SPON1: variants seen among roughly 807,000 people sequenced by gnomAD.
SPON1 encodes the protein spondin-1.
In SPON1, 52 loss-of-function variants were observed where a neutral mutation model predicts 111.7. That is an observed-to-expected ratio of 0.47 (90% CI 0.37 to 0.59). The LOEUF is 0.59. SPON1 is among the 20% of genes least tolerant of loss of function. SPON1 has a pLI of 0.00. For missense variants in SPON1, 957 were observed against 1,068.5 expected, an observed-to-expected ratio of 0.90 and a Z score of 1.46; for synonymous variants, 410 against 395.8, an observed-to-expected ratio of 1.04 and a Z score of -0.43.
intron 5 of SPON1, among the ~76,000 whole-genome samples, chr11:14,129,191 A>G (rs1564911347): frequency 6.6e-6 from 1 of 151,934 alleles, no homozygotes; most frequent in Non-Finnish European, 1.5e-5. Flanking sequence ...TTTTCTTACC[A>G]CATAGGCTGC....
intron 6 of SPON1, among the ~76,000 whole-genome samples, chr11:14,174,215 A>T (rs1428527122): frequency 6.6e-6 from 1 of 152,190 alleles, no homozygotes; most frequent in Non-Finnish European, 1.5e-5. Context: ...TTGCAAGGCA[A>T]CCCAAAGCCA....
chr11:13,979,855 T>A (rs1228353661), intron 1 of SPON1, among the ~76,000 whole-genome samples: 2 of 152,190 alleles, frequency 1.3e-5, no homozygotes, highest in Non-Finnish European at 2.9e-5. Flanking sequence ...TCCAGAATTG[T>A]GTATAATGGC....
At chr11:13,998,182 C>T (rs1039476898) in intron 2 of SPON1, among the ~76,000 whole-genome samples, 4 of 152,176 alleles carry the variant, frequency 2.6e-5, no homozygotes, top group Admixed American at 2.0e-4. Context: ...TATTCCCATT[C>T]ACAGGAAAGT....
At chr11:14,246,480 T>G (rs1325157257) in intron 7 of SPON1, among the ~76,000 whole-genome samples, 1 of 152,144 alleles carries the variant, frequency 6.6e-6, no homozygotes, top group African/African-American at 2.4e-5. Flanking sequence ...TCCTTCCAAT[T>G]AAGTAACAAT....
chr11:14,180,490 A>G (rs1015760347), intron 6 of SPON1, among the ~76,000 whole-genome samples: 34 of 151,342 alleles, frequency 2.2e-4, no homozygotes, highest in African/African-American at 8.3e-4. Context: ...CCATTCCCCT[A>G]CTCCTTTCAT....
chr11:14,118,452 G>A (rs1365110734), intron 5 of SPON1, among the ~76,000 whole-genome samples: 2 of 152,174 alleles, frequency 1.3e-5, no homozygotes, highest in Non-Finnish European at 2.9e-5. Flanking sequence ...TTGTACCAGT[G>A]GGAATGAGAG....
intron 6 of SPON1, among the ~76,000 whole-genome samples, chr11:14,154,371 C>G (rs1847818704): frequency 6.6e-6 from 1 of 152,230 alleles, no homozygotes; most frequent in African/African-American, 2.4e-5. Flanking sequence ...CCTGCACACT[C>G]ACAGGCTTAA....
chr11:13,999,358 C>T (rs1342453827), intron 2 of SPON1, among the ~76,000 whole-genome samples: 2 of 151,912 alleles, frequency 1.3e-5, no homozygotes, highest in Admixed American at 1.3e-4. Context: ...CCATGAGATA[C>T]AGTCCCATGT....
At position 14,006,296 on chromosome 11, in the gene SPON1, G is replaced by GT. The variant is rs150307890; in HGVS notation, c.345+23351dup. Among the ~76,000 whole-genome samples, 939 of 151,866 alleles carry GT rather than the reference G, an allele frequency of 6.2e-3. 6 individuals are homozygous for GT. The highest frequency in any genetic ancestry group is 0.02 in the South Asian group (94 of 4,792). ...ACCTGCTAGCAGAAATTGTTTTTTG[G>GT]TTTTTTTTGGCAAGGGGAGAGGGAC... On this transcript the variant is annotated intron_variant, in intron 2 of 15. Transcript: ENST00000576479.
At chr11:14,022,814 C>T (rs1848490429) in intron 2 of SPON1, among the ~76,000 whole-genome samples, 1 of 152,226 alleles carries the variant, frequency 6.6e-6, no homozygotes, top group African/African-American at 2.4e-5. Flanking sequence ...TTTGCCCATA[C>T]ATTCGACTTT....
chr11:14,106,100 T>C (rs782668716), intron 5 of SPON1, among the ~76,000 whole-genome samples: 1 of 152,194 alleles, frequency 6.6e-6, no homozygotes, highest in Non-Finnish European at 1.5e-5. Flanking sequence ...TGGCAAGTCA[T>C]GGATCAATTA....
intron 2 of SPON1, among the ~76,000 whole-genome samples, chr11:13,988,992 T>C (rs1564880264): frequency 6.6e-6 from 1 of 152,194 alleles, no homozygotes; most frequent in Non-Finnish European, 1.5e-5. Flanking sequence ...TCATCAGAGA[T>C]ATTGGCCTGA....
At chr11:14,184,183 T>C (rs1026423132) in intron 6 of SPON1, among the ~76,000 whole-genome samples, 29 of 152,200 alleles carry the variant, frequency 1.9e-4, no homozygotes, top group African/African-American at 6.8e-4. Flanking sequence ...GATTCCCTTT[T>C]CTAAGTCTCC....
At chr11:14,155,554 T>G (rs11023116) in intron 6 of SPON1, among the ~76,000 whole-genome samples, 56,985 of 148,048 alleles carry the variant, frequency 0.38, 11,291 homozygotes, top group East Asian at 0.54. Context: ...CAATGTGCAG[T>G]TTAGTTACAT....
intron 1 of SPON1, among the ~76,000 whole-genome samples, chr11:13,981,748 T>C (rs1554909680): frequency 6.6e-6 from 1 of 152,244 alleles, no homozygotes; most frequent in Non-Finnish European, 1.5e-5. Context: ...TTCCAGCTCA[T>C]GCGAAGTACA....
At chr11:14,173,040 G>A (rs1252374179) in intron 6 of SPON1, among the ~76,000 whole-genome samples, 7 of 151,862 alleles carry the variant, frequency 4.6e-5, no homozygotes, top group African/African-American at 1.7e-4. Context: ...ATGTTGGCCT[G>A]CCTCGCTAGA....
At chr11:14,090,843 C>G (rs1452362617) in intron 5 of SPON1, among the ~76,000 whole-genome samples, 3 of 40,930 alleles carry the variant, frequency 7.3e-5, no homozygotes, top group South Asian at 2.0e-3. Context: ...CCCCCCCCCC[C>G]CGCCCACATC....
intron 6 of SPON1, among the ~76,000 whole-genome samples, chr11:14,207,314 A>G (rs1848528126): frequency 6.6e-6 from 1 of 152,208 alleles, no homozygotes; most frequent in African/African-American, 2.4e-5. Context: ...ACAGTCAAAG[A>G]TTTCATGACA....
At chr11:14,083,369 T>G (rs1278384551) in intron 5 of SPON1, among the ~76,000 whole-genome samples, 1 of 152,210 alleles carries the variant, frequency 6.6e-6, no homozygotes, top group Non-Finnish European at 1.5e-5. Flanking sequence ...GCTATGTAAT[T>G]GGAAAAGGGA....
Sources: allele counts gnomAD v4.1 joint callset (sites outside exome capture counted in the v4.1 genomes callset), GRCh38; gene constraint gnomAD v4.1.1; transcripts MANE v1.5; gene names NCBI Gene and HGNC (gene_info 2026-07-23, HGNC 2026-07-21).